Variants in USP35 observed in about 807,000 individuals in gnomAD.
USP35 encodes ubiquitin carboxyl-terminal hydrolase 35.
A neutral mutation model predicts 83.8 loss-of-function variants in USP35; 69 were observed. That is an observed-to-expected ratio of 0.82 (90% CI 0.68 to 1.01). The LOEUF (loss-of-function observed/expected upper bound fraction) is 1.01, where lower values mean the gene tolerates loss of function less well. Ranked by LOEUF, USP35 falls within the 50% of genes least tolerant of loss-of-function variation. The pLI, the probability that USP35 is intolerant of heterozygous loss-of-function variation, is 0.00. For synonymous variants in USP35, 714 were observed against 589.5 expected, an observed-to-expected ratio of 1.21 and a Z score of -3.06; for missense variants, 1,503 against 1,362.5, an observed-to-expected ratio of 1.10 and a Z score of -1.62.
chr11:78,200,941 C>T, intron 6 of USP35, 133 bp downstream of exon 6: 2 of 1,297,782 alleles, frequency 1.5e-6, no homozygotes, highest in East Asian at 2.6e-5. Flanking sequence ...ATCACCTCCC[C>T]AGGTCCATCA....
Position 78,196,840 on chromosome 11 carries a change from C to T in USP35, c.595C>T (p.Leu199=), listed in dbSNP as rs1433644237. The change falls in exon 2 of 11, where the codon CTG becomes TTG. Residue 199 remains leucine (L), a synonymous_variant. Transcript: ENST00000529308. The surrounding 1 kb of genome is among the most constrained non-coding windows in gnomAD (Gnocchi z 4.8). ...GCAGGCCCAGCAGGTGAGCGGGCTC[C>T]TGGCGCAGCTGTGGCGCGCACAGCC... is the stretch of plus-strand genomic sequence containing the variant. ...LEQAQQVSGL[L]AQLWRAQPAA... The T allele has an allele frequency of 6.5e-7, 1 of 1,527,334 alleles. No homozygotes were observed. The highest frequency in any genetic ancestry group is 2.0e-5 in the Admixed American group (1 of 49,762). 94.6% of individuals were successfully genotyped at this position (1,527,334 alleles called of 1,614,324 possible).
chr11:78,194,109 A>T (rs1863076445), intron 1 of USP35, among the ~76,000 whole-genome samples: 1 of 148,536 alleles, frequency 6.7e-6, no homozygotes, highest in South Asian at 2.1e-4. Context: ...TTTGGGAACC[A>T]CTGATGTCTG....
the USP35 span, chr11:78,220,532 G>A: frequency 3.4e-6 from 4 of 1,160,800 alleles, no homozygotes; most frequent in Non-Finnish European, 4.9e-6. Context: ...TAAGAACACT[G>A]TTTCCCTGAG....
intron 6 of USP35, 151 bp downstream of exon 6, chr11:78,200,959 C>T (rs769776903): frequency 8.5e-7 from 1 of 1,181,564 alleles, no homozygotes. Flanking sequence ...TCATGTGCCT[C>T]AAGCACACTG....
At chr11:78,200,086 C>T (rs371676004) in intron 4 of USP35, 47 bp from the exon 5 acceptor site, 3 of 1,601,370 alleles carry the variant, frequency 1.9e-6, no homozygotes, top group Non-Finnish European at 2.6e-6. Context: ...TCTACTTGGC[C>T]TCAGCAGCTC....
the USP35 span, chr11:78,221,584 G>T: frequency 1.5e-6 from 1 of 684,030 alleles, no homozygotes; most frequent in Non-Finnish European, 2.6e-6. Flanking sequence ...TCCCTGGGCT[G>T]AGGTGAGTTA....
Position 78,207,272 on chromosome 11 carries a change from C to T in USP35, c.1392-258C>T, listed in dbSNP as rs968492503. 4.0e-5 allele frequency: 16 copies of T among 396,488 alleles called. No homozygotes were observed. The Admixed American group carries it at 4.5e-4, about 11-fold the overall frequency. 24.6% of individuals were successfully genotyped at this position (396,488 alleles called of 1,614,324 possible). ...TAAGTCCTGAACGTAGGTCTCAGAGCTGGAAGGGGCTACAAGGGTCACCTT... is the reference window on the plus strand; with the variant it reads ...TAAGTCCTGAACGTAGGTCTCAGAGTTGGAAGGGGCTACAAGGGTCACCTT... On this transcript the variant is annotated intron_variant, in intron 7 of 10. Coordinates refer to ENST00000529308, the MANE Select transcript of USP35 (RefSeq NM_020798.4).
At chr11:78,190,099 C>T (rs1454318297) in intron 1 of USP35, among the ~76,000 whole-genome samples, 1 of 152,124 alleles carries the variant, frequency 6.6e-6, no homozygotes, top group Non-Finnish European at 1.5e-5. Flanking sequence ...TGCTCCTCAG[C>T]TCTTAGGTGC....
At chr11:78,227,441 G>C in the USP35 span, among the ~76,000 whole-genome samples, 4 of 152,134 alleles carry the variant, frequency 2.6e-5, no homozygotes, top group Admixed American at 2.6e-4. Context: ...ACCTCTCTGA[G>C]TCTATTCTGC....
In USP35 at chr11:78,206,010, C is replaced by A; in HGVS notation, c.1366C>A (p.Leu456Ile). The change falls in exon 7 of 11, where the codon CTT (leucine) becomes ATT (isoleucine). Residue 456 changes from leucine (L) to isoleucine (I), a missense_variant. Coordinates refer to ENST00000529308, the MANE Select transcript of USP35 (RefSeq NM_020798.4). ...LGNTCYVNSI[L>I]QALFMASDFR... ...CAACACATGCTATGTCAACAGCATC[C>A]TTCAGGCCTTATTCATGGCGTCTGA... 1 of 1,613,874 alleles carries A rather than the reference C, an allele frequency of 6.2e-7. No individual in the cohort carries two copies. The highest frequency in any genetic ancestry group is 8.5e-7 in the Non-Finnish European group (1 of 1,179,758).
chr11:78,190,462 T>C (rs990506088), intron 1 of USP35, among the ~76,000 whole-genome samples: 1 of 152,166 alleles, frequency 6.6e-6, no homozygotes, highest in Non-Finnish European at 1.5e-5. Flanking sequence ...GAAGGTACTT[T>C]TGTGGTTACA....
At chr11:78,197,199 G>C (rs1413889662) in intron 2 of USP35, among the ~76,000 whole-genome samples, 1 of 144,444 alleles carries the variant, frequency 6.9e-6, no homozygotes. Context: ...AGGGAGGAAC[G>C]GGAAGTTGAG....
chr11:78,200,042 A>G (rs1863293485), intron 4 of USP35, 91 bp from the exon 5 acceptor site: 10 of 1,382,750 alleles, frequency 7.2e-6, no homozygotes, highest in Non-Finnish European at 8.2e-6. Flanking sequence ...TTTGAACTCT[A>G]GGGTGTCTCT....
chr11:78,205,761 AAGGCCTCCCAGAAG>A, intron 6 of USP35, 67 bp from the exon 7 acceptor site: 1 of 1,501,890 alleles, frequency 6.7e-7, no homozygotes, highest in Non-Finnish European at 9.0e-7. Context: ...TGTATCTGAG[AAGGCCTCCCAGAAG>A]AGGTGGTAGT....
At chr11:78,208,060 T>A (rs1040343874) in intron 8 of USP35, among the ~76,000 whole-genome samples, 2 of 152,146 alleles carry the variant, frequency 1.3e-5, no homozygotes, top group African/African-American at 4.8e-5. Flanking sequence ...TGTGAGAGCA[T>A]GCATGAGAGA....
intron 1 of USP35, among the ~76,000 whole-genome samples, chr11:78,194,835 C>T (rs1863096196): frequency 6.6e-6 from 1 of 152,176 alleles, no homozygotes. Context: ...AAGCTGCCCT[C>T]AAGAACCATA....
rs751196668 is a variant in USP35 at position 78,197,960 on chromosome 11, T to G, written c.698T>G (p.Leu233Arg). The G allele has an allele frequency of 6.2e-7, 1 of 1,614,072 alleles. No homozygotes were observed. The highest frequency in any genetic ancestry group is 1.3e-5 in the African/African-American group (1 of 74,934). The change falls in exon 3 of 11, where the codon CTG (leucine) becomes CGG (arginine). Residue 233 changes from leucine (L) to arginine (R), a missense_variant. Physicochemically the swap from Leu to Arg is moderately radical, Grantham distance 102. Coordinates refer to ENST00000529308, the MANE Select transcript of USP35 (RefSeq NM_020798.4). The part of the protein sequence containing the change: ...CAEEEPPSSA[L>R]ASVVQHLPLE... ...GAGGAGGAGCCACCATCTAGCGCCCTGGCCAGCGTGGTCCAGCACCTCCCA... is the reference window on the plus strand; with the variant it reads ...GAGGAGGAGCCACCATCTAGCGCCCGGGCCAGCGTGGTCCAGCACCTCCCA...
intron 2 of USP35, among the ~76,000 whole-genome samples, chr11:78,197,368 G>T (rs1281087279): frequency 1.3e-5 from 2 of 152,076 alleles, no homozygotes; most frequent in African/African-American, 4.8e-5. Flanking sequence ...AGAGGTGAGG[G>T]TCTGGAGAGG....
In USP35 at chr11:78,196,440, G is replaced by A; in HGVS notation, c.195G>A (p.Leu65=). ...ELPRRVGCQL[L]HVAGRHHPDV... is the part of the protein sequence containing the mutation. ...CGCGCCGCGTGGGCTGCCAGCTGCT[G>A]CACGTGGCCGGCCGCCACCACCCCG... Residue 65 remains leucine (L), a synonymous_variant, in exon 2 of 11, where the codon CTG becomes CTA. Coordinates refer to ENST00000529308, the MANE Select transcript of USP35 (RefSeq NM_020798.4). This position sits in a 1 kb window ranked among gnomAD's most constrained non-coding sequence, Gnocchi z 4.8. 1 of 1,273,404 alleles carries A rather than the reference G, an allele frequency of 7.9e-7. No homozygotes were observed. Among genetic ancestry groups the A allele is most frequent in the Admixed American group, 4.3e-5 (1 of 23,302 alleles). 78.9% of individuals were successfully genotyped at this position (1,273,404 alleles called of 1,614,324 possible). A position where few individuals can be genotyped will look rare whatever the true frequency, so the allele number is the denominator to read the frequency against.
Sources: allele counts gnomAD v4.1 joint callset (sites outside exome capture counted in the v4.1 genomes callset), GRCh38; gene constraint gnomAD v4.1.1; non-coding constraint Gnocchi (gnomAD v3.1); transcripts MANE v1.5; gene names NCBI Gene and HGNC (gene_info 2026-07-23, HGNC 2026-07-21).